The following ITGB2 variants were observed in gnomAD, a reference collection of about 807,000 sequenced individuals.
ITGB2 encodes the protein integrin beta-2.
A neutral mutation model predicts 86.8 loss-of-function variants in ITGB2; 56 were observed. That is an observed-to-expected ratio of 0.65 (90% confidence interval 0.52 to 0.81). The LOEUF is 0.81. Among genes scored for constraint, ITGB2 ranks in the 30% least tolerant of loss-of-function variants. The probability of loss-of-function intolerance (pLI) is 0.00; values close to 1 mark genes in which losing one functional copy is unlikely to be tolerated. For synonymous variants in ITGB2, 457 were observed against 450.4 expected, an observed-to-expected ratio of 1.01 and a Z score of -0.19; for missense variants, 948 against 1,061.2, an observed-to-expected ratio of 0.89 and a Z score of 1.48.
chr21:44,925,422 GGGAAGGAAGGAAGGAA>G (rs71334040), upstream of ITGB2, among the ~76,000 whole-genome samples: 92 of 54,732 alleles, frequency 1.7e-3, 1 homozygote, highest in East Asian at 0.024. Context: ...GAGGGAGGGA[GGGAAGGAAGGAAGGAA>G]GGAAGGAAGG....
intron 1 of ITGB2, among the ~76,000 whole-genome samples, chr21:44,926,127 A>G (rs2084370091): frequency 6.6e-6 from 1 of 151,658 alleles, no homozygotes; most frequent in Non-Finnish European, 1.5e-5. Context: ...TACAATAAAT[A>G]AATAAATTAA....
rs990798692 is a variant in ITGB2, at chr21:44,910,851, C to T, written c.-3-66G>A. On this transcript the variant is annotated intron_variant, in intron 1 of 15. Coordinates refer to ENST00000652462, the MANE Select transcript of ITGB2 (RefSeq NM_000211.5). ...CCCCTGGGGCTGACCACCCATGAAG[C>T]TCCCCTCCAGCTGGCCTGGGACAAG... 13 of 1,520,716 alleles carry T rather than the reference C, an allele frequency of 8.5e-6. No individual in the cohort carries two copies. The African/African-American group carries it at 1.8e-4, about 21-fold the overall frequency. The allele number at this position is 1,520,716 out of a possible 1,614,324, so 94.2% of individuals were successfully genotyped here.
At chr21:44,889,585 G>A (rs556688812) in intron 12 of ITGB2, 90 bp from the exon 13 acceptor site, 56 of 1,165,166 alleles carry the variant, frequency 4.8e-5, no homozygotes, top group Non-Finnish European at 6.3e-5. Flanking sequence ...CCTCCGGCCC[G>A]CCTGCCTCCT....
In ITGB2 at chr21:44,886,443, G is replaced by A; in HGVS notation, c.2248-13C>T. On this transcript the variant is annotated splice_polypyrimidine_tract_variant and intron_variant, in intron 15 of 15. Transcript: ENST00000652462. ...AAAGGGGATTATCCTGGTGGGAAAT[G>A]CAAACAGGGGCTTGTGAGTGTGGGA... The A allele has an allele frequency of 6.2e-7, 1 of 1,613,620 alleles. No individual in the cohort carries two copies. The highest frequency in any genetic ancestry group is 8.5e-7 in the Non-Finnish European group (1 of 1,179,512).
intron 14 of ITGB2, among the ~76,000 whole-genome samples, chr21:44,887,961 G>C (rs150122673): frequency 6.6e-6 from 1 of 152,232 alleles, no homozygotes; most frequent in East Asian, 1.9e-4. Flanking sequence ...GAGTCCGCCA[G>C]CGGCCCCCCA....
chr21:44,922,651 T>A (rs1380264905), upstream of ITGB2, among the ~76,000 whole-genome samples: 3 of 87,966 alleles, frequency 3.4e-5, no homozygotes, highest in African/African-American at 6.2e-5. Flanking sequence ...CCAGTCTGGG[T>A]AACTGAGAAA....
At chr21:44,927,882 C>T (rs1341594543) in intron 1 of ITGB2, 1 of 152,394 alleles carries the variant, frequency 6.6e-6, no homozygotes, top group African/African-American at 2.4e-5. Flanking sequence ...ACCATCAGGG[C>T]TGGTCCCAGG....
intron 5 of ITGB2, among the ~76,000 whole-genome samples, chr21:44,902,716 ATGTGTGAACATGCATTTG>A (rs1460255654): frequency 1.4e-5 from 2 of 144,990 alleles, no homozygotes; most frequent in Non-Finnish European, 3.0e-5. Context: ...TGTGCATTGC[ATGTGTGAACATGCATTTG>A]TGTGTGAGCG....
intron 1 of ITGB2, among the ~76,000 whole-genome samples, chr21:44,917,344 C>T (rs1476117639): frequency 6.6e-6 from 1 of 152,184 alleles, no homozygotes; most frequent in Non-Finnish European, 1.5e-5. Flanking sequence ...AAATATTCTG[C>T]ATTTCTCTGG....
Position 44,886,906 on chromosome 21 carries a change from G to A in ITGB2, c.2081-4C>T. ...ATGTTGGGGCCTGCCACACACTCTA[G>A]GGAAGAAGCAGCACACCTGAGCGTC... On this transcript the variant is annotated splice_region_variant and splice_polypyrimidine_tract_variant and intron_variant, in intron 14 of 15. Coordinates refer to ENST00000652462, the MANE Select transcript of ITGB2 (RefSeq NM_000211.5). 6.2e-7 allele frequency: 1 copy of A among 1,612,414 alleles called. No individual in the cohort carries two copies. The highest frequency in any genetic ancestry group is 8.5e-7 in the Non-Finnish European group (1 of 1,179,984).
At chr21:44,892,206 G>A (rs1290867402) in intron 10 of ITGB2, among the ~76,000 whole-genome samples, 3 of 152,200 alleles carry the variant, frequency 2.0e-5, no homozygotes, top group East Asian at 1.9e-4. Flanking sequence ...CGCACTGGCC[G>A]GCACCAGGAT....
chr21:44,901,214 A>T (rs1365919938), intron 6 of ITGB2, among the ~76,000 whole-genome samples: 1 of 152,162 alleles, frequency 6.6e-6, no homozygotes, highest in African/African-American at 2.4e-5. Flanking sequence ...CCGCTCGCAA[A>T]ATGTTTAGGC....
chr21:44,918,572 C>T (rs1283524243), intron 1 of ITGB2, among the ~76,000 whole-genome samples: 1 of 152,218 alleles, frequency 6.6e-6, no homozygotes, highest in East Asian at 1.9e-4. Flanking sequence ...ACCCCATGCC[C>T]CTTCCAGACA....
intron 13 of ITGB2, 97 bp from the exon 14 acceptor site, chr21:44,888,992 T>A: frequency 1.2e-6 from 1 of 842,192 alleles, no homozygotes; most frequent in Non-Finnish European, 1.7e-6. Context: ...GGGGGGCAGG[T>A]GGGGTTGGGG....
intron 14 of ITGB2, among the ~76,000 whole-genome samples, chr21:44,888,333 C>G (rs1451106478): frequency 1.3e-5 from 2 of 152,210 alleles, no homozygotes; most frequent in Non-Finnish European, 2.9e-5. Flanking sequence ...CGGGCCACCC[C>G]TGGGGACCTG....
At chr21:44,893,667 G>A in intron 9 of ITGB2, 123 bp from the exon 10 acceptor site, 1 of 1,297,582 alleles carries the variant, frequency 7.7e-7, no homozygotes, top group Non-Finnish European at 1.1e-6. Flanking sequence ...GTCAGCTAAT[G>A]ACACAGAGGA....
At chr21:44,898,213 C>G (rs8131627) in intron 8 of ITGB2, among the ~76,000 whole-genome samples, 1 of 152,076 alleles carries the variant, frequency 6.6e-6, no homozygotes, top group Non-Finnish European at 1.5e-5. Context: ...CAGTAGACAC[C>G]GAGGCTCAAG....
intron 14 of ITGB2, 76 bp downstream of exon 14, chr21:44,888,617 G>T (rs990892688): frequency 6.0e-6 from 9 of 1,507,942 alleles, no homozygotes; most frequent in South Asian, 2.3e-5. Context: ...TCCTCCTTCC[G>T]CACCACCCTC....
At position 44,889,406 on chromosome 21, in the gene ITGB2, G is replaced by C. The variant is rs1378510054; in HGVS notation, c.1747C>G (p.Leu583Val). 1 of 1,612,444 alleles carries C rather than the reference G, an allele frequency of 6.2e-7. No homozygotes were observed. Among genetic ancestry groups the C allele is most frequent in the Non-Finnish European group, 8.5e-7 (1 of 1,179,706 alleles). The change falls in exon 13 of 16, where the codon CTG becomes GTG. Residue 583 changes from leucine to valine, a missense_variant. Coordinates refer to ENST00000652462, the MANE Select transcript of ITGB2 (RefSeq NM_000211.5). The stretch of plus-strand genomic sequence containing the variant: ...CTACACTCAACACGCCGCGGGTTCA[G>C]GCAGCCCTCAGTGGTCCTCTCGCAC... ...CQCERTTEGC[L>V]NPRRVECSGR...
Sources: gnomAD v4.1 joint callset for allele counts (sites outside exome capture counted in the v4.1 genomes callset) on GRCh38, gnomAD v4.1.1 for gene constraint, MANE v1.5 for transcripts, NCBI Gene and HGNC (gene_info 2026-07-23, HGNC 2026-07-21) for gene names.